Variants in KCTD21 observed in about 807,000 individuals in gnomAD.
KCTD21 encodes the protein potassium channel tetramerization domain containing 21, also known as BTB/POZ domain-containing protein KCTD21.
Under a neutral mutation model 13.2 loss-of-function variants are expected in KCTD21, and 9 were observed. The observed-to-expected ratio is 0.68, with a 90% CI of 0.41 to 1.19. The LOEUF (loss-of-function observed/expected upper bound fraction) is 1.19. Ranked by LOEUF, KCTD21 falls within the 50% of genes most tolerant of loss-of-function variation. KCTD21 has a pLI of 0.01. For missense variants in KCTD21, 303 were observed against 336.5 expected, an observed-to-expected ratio of 0.90 and a Z score of 0.78; for synonymous variants, 142 against 137.4, an observed-to-expected ratio of 1.03 and a Z score of -0.23.
intron 1 of KCTD21, chr11:78,177,850 G>A (rs868489917): frequency 5.3e-5 from 8 of 152,274 alleles, no homozygotes; most frequent in Non-Finnish European, 7.3e-5. Context: ...CATTACAGGC[G>A]GGGGAGGTCA....
rs536252690 is a variant in KCTD21, at chr11:78,172,445, G to C, written c.*1327C>G. 6.6e-6 allele frequency: 1 copy of C among 152,338 alleles called. No individual in the cohort carries two copies. Among genetic ancestry groups the C allele is most frequent in the South Asian group, 2.1e-4 (1 of 4,828 alleles). 9.4% of individuals were successfully genotyped at this position (152,338 alleles called of 1,614,324 possible). ...CTTCCTCTTCCAGCAGAAAATGGTC[G>C]AAAGGTATATGGAGCCACAGATGGT... On this transcript the variant is annotated 3_prime_UTR_variant, in exon 2 of 2. Transcript: ENST00000340067.
chr11:78,181,930 T>A (rs1862634030), intron 1 of KCTD21, among the ~76,000 whole-genome samples: 1 of 152,234 alleles, frequency 6.6e-6, no homozygotes, highest in African/African-American at 2.4e-5. Context: ...AACTTTTGTT[T>A]CAGTTGTGTG....
intron 1 of KCTD21, chr11:78,187,750 G>A: frequency 2.0e-6 from 2 of 985,420 alleles, no homozygotes; most frequent in African/African-American, 3.5e-5. Context: ...GGAAGGGTTG[G>A]GGGGACTGGT....
intron 1 of KCTD21, among the ~76,000 whole-genome samples, chr11:78,182,649 C>T (rs1026202098): frequency 9.2e-5 from 14 of 152,118 alleles, no homozygotes; most frequent in Non-Finnish European, 1.9e-4. Context: ...TCAAAGACAA[C>T]CTAAAGCAGA....
chr11:78,173,543 A>G lies in KCTD21; in HGVS notation c.*229T>C, dbSNP rs374705409. 238 of 524,608 alleles carry G rather than the reference A, an allele frequency of 4.5e-4. No individual in the cohort carries two copies. Among genetic ancestry groups the G allele is most frequent in the African/African-American group, 4.0e-3 (212 of 52,740 alleles). 32.5% of individuals were successfully genotyped at this position (524,608 alleles called of 1,614,324 possible). A position where few individuals can be genotyped will look rare whatever the true frequency, so the allele number is the denominator to read the frequency against. ...CACATCAGCTGACTCTTCACTTGTC[A>G]TAATAAACCGCCTGTCTGCAGCTCA... On this transcript the variant is annotated 3_prime_UTR_variant, in exon 2 of 2. Coordinates refer to ENST00000340067, the MANE Select transcript of KCTD21 (RefSeq NM_001029859.3).
intron 1 of KCTD21, among the ~76,000 whole-genome samples, chr11:78,183,639 C>CTTT (rs201919205): frequency 7.0e-6 from 1 of 141,978 alleles, no homozygotes; most frequent in Non-Finnish European, 1.5e-5. Context: ...AAAATTAATT[C>CTTT]TTTTTTTTTT....
chr11:78,179,268 C>T (rs1042067632), intron 1 of KCTD21, among the ~76,000 whole-genome samples: 3 of 151,762 alleles, frequency 2.0e-5, no homozygotes, highest in Admixed American at 6.6e-5. Flanking sequence ...GGACTGACCT[C>T]AAGTGATCTG....
intron 1 of KCTD21, chr11:78,187,219 A>T (rs985841657): frequency 1.0e-6 from 1 of 985,284 alleles, no homozygotes; most frequent in Non-Finnish European, 1.2e-6. Flanking sequence ...CCCACCGGAG[A>T]AAGGACTCTT....
At chr11:78,186,646 T>C (rs1862783978) in intron 1 of KCTD21, 1 of 955,496 alleles carries the variant, frequency 1.0e-6, no homozygotes, top group African/African-American at 1.8e-5. Context: ...TCTCTTTCAA[T>C]CTCACAGATT....
intron 1 of KCTD21, among the ~76,000 whole-genome samples, chr11:78,184,075 C>T (rs760172593): frequency 2.6e-5 from 4 of 152,182 alleles, no homozygotes; most frequent in Non-Finnish European, 5.9e-5. Context: ...TTATCAGGAA[C>T]ACATAATTAT....
rs1862351018 is a variant in KCTD21, at chr11:78,173,678, G to A, written c.*94C>T. 2 of 993,644 alleles carry A rather than the reference G, an allele frequency of 2.0e-6. No individual in the cohort carries two copies. Among genetic ancestry groups the A allele is most frequent in the Admixed American group, 2.1e-5 (1 of 46,894 alleles). 61.6% of individuals were successfully genotyped at this position (993,644 alleles called of 1,614,324 possible). On this transcript the variant is annotated 3_prime_UTR_variant, in exon 2 of 2. Transcript: ENST00000340067. ...TACACAATTAATACAGATTAGTATAGTCCCCTGCCTCGCACCACTGGCGAG... is the reference window on the plus strand; with the variant it reads ...TACACAATTAATACAGATTAGTATAATCCCCTGCCTCGCACCACTGGCGAG...
chr11:78,173,626 T>A lies in KCTD21; in HGVS notation c.*146A>T. The A allele has an allele frequency of 1.4e-6, 1 of 734,812 alleles. No homozygotes were observed. The allele number at this position is 734,812 out of a possible 1,614,324, so 45.5% of individuals were successfully genotyped here. ...GGACACTGGATTCCAAAAGGTGGAC[T>A]TCATCATGGGGGGAATCAAGTCCTG... On this transcript the variant is annotated 3_prime_UTR_variant, in exon 2 of 2. Transcript: ENST00000340067.
rs1555081001 is a variant in KCTD21, at chr11:78,174,312, G to T, written c.243C>A (p.Arg81=). ...PEDFQEMGLL[R]READFYQVQP... is the part of the protein sequence containing the mutation. ...GCACCTGGTAGAAGTCGGCCTCCCT[G>T]CGGAGCAGCCCCATCTCCTGGAAGT... The change falls in exon 2 of 2, where the codon CGC becomes CGA. Residue 81 remains arginine (R), a synonymous_variant. Transcript: ENST00000340067. 5.0e-6 allele frequency: 8 copies of T among 1,614,146 alleles called. No individual in the cohort carries two copies. The highest frequency in any genetic ancestry group is 6.8e-6 in the Non-Finnish European group (8 of 1,180,026).
chr11:78,186,811 C>A, intron 1 of KCTD21: 1 of 985,480 alleles, frequency 1.0e-6, no homozygotes, highest in Non-Finnish European at 1.2e-6. Flanking sequence ...TCCTTCTCCT[C>A]TGCATCTGCG....
intron 1 of KCTD21, among the ~76,000 whole-genome samples, chr11:78,178,275 G>A (rs763980282): frequency 6.6e-6 from 1 of 152,018 alleles, no homozygotes; most frequent in Non-Finnish European, 1.5e-5. Flanking sequence ...ACAGGTGCAC[G>A]CCACCAGGCC....
At chr11:78,187,867 T>C (rs1862839434) in intron 1 of KCTD21, 1 of 985,298 alleles carries the variant, frequency 1.0e-6, no homozygotes, top group African/African-American at 1.7e-5. Flanking sequence ...AGCAAGGTCT[T>C]TGAAGTAAGG....
chr11:78,183,364 C>T (rs926743199), intron 1 of KCTD21, among the ~76,000 whole-genome samples: 2 of 152,070 alleles, frequency 1.3e-5, no homozygotes, highest in African/African-American at 2.4e-5. Context: ...GGCAAAACCC[C>T]ATCTCTACTA....
chr11:78,174,272 C>G lies in KCTD21; in HGVS notation c.283G>C (p.Ala95Pro). Residue 95 changes from alanine (A) to proline (P), a missense_variant, in exon 2 of 2, where the codon GCC (alanine) becomes CCC (proline). Transcript: ENST00000340067. The stretch of plus-strand genomic sequence containing the variant: ...AGCTCCACTTCCTTCTCCTGCAGGG[C>G]CTCAATCAGGGGCTGCACCTGGTAG... ...DFYQVQPLIEALQEKEVELSK... is the reference protein window; with the variant it reads ...DFYQVQPLIEPLQEKEVELSK... The G allele has an allele frequency of 6.2e-7, 1 of 1,614,074 alleles. No homozygotes were observed. The highest frequency in any genetic ancestry group is 8.5e-7 in the Non-Finnish European group (1 of 1,180,024).
rs1029861832 is a variant in KCTD21 at position 78,173,694 on chromosome 11, C to A, written c.*78G>T. ...ATTAGTATAGTCCCCTGCCTCGCAC[C>A]ACTGGCGAGATGCCCTCCAAGACCT... is the stretch of plus-strand genomic sequence containing the variant. On this transcript the variant is annotated 3_prime_UTR_variant, in exon 2 of 2. Transcript: ENST00000340067. 6 of 1,206,124 alleles carry A rather than the reference C, an allele frequency of 5.0e-6. No individual in the cohort carries two copies. The African/African-American group carries it at 9.1e-5, about 18-fold the overall frequency. The allele number at this position is 1,206,124 out of a possible 1,614,324, so 74.7% of individuals were successfully genotyped here. A position where few individuals can be genotyped will look rare whatever the true frequency, so the allele number is the denominator to read the frequency against.
Sources: gnomAD v4.1 joint callset for allele counts (sites outside exome capture counted in the v4.1 genomes callset) on GRCh38, gnomAD v4.1.1 for gene constraint, MANE v1.5 for transcripts, NCBI Gene and HGNC (gene_info 2026-07-23, HGNC 2026-07-21) for gene names.